The following KANSL1 variants were observed in gnomAD, a reference collection of about 807,000 sequenced individuals.
KANSL1 encodes MLL1/MLL complex subunit KANSL1.
Under a neutral mutation model 103.6 loss-of-function variants are expected in KANSL1, and 22 were observed. That is an observed-to-expected ratio of 0.21 (90% CI 0.15 to 0.30). KANSL1 has a LOEUF of 0.30. KANSL1 is among the 10% of genes least tolerant of loss of function. KANSL1 has a pLI of 1.00. For synonymous variants in KANSL1, 600 were observed against 527.6 expected, an observed-to-expected ratio of 1.14 and a Z score of -1.88; for missense variants, 1,337 against 1,399.8, an observed-to-expected ratio of 0.96 and a Z score of 0.72.
intron 6 of KANSL1, among the ~76,000 whole-genome samples, chr17:46,053,050 G>A (rs1040185190): frequency 4.1e-5 from 6 of 145,238 alleles, no homozygotes; most frequent in Non-Finnish European, 7.5e-5. Context: ...TACTTTGGGA[G>A]GCCAAGGTGG....
At chr17:46,209,310 T>C (rs2048084101) in intron 1 of KANSL1, among the ~76,000 whole-genome samples, 1 of 152,228 alleles carries the variant, frequency 6.6e-6, no homozygotes, top group Non-Finnish European at 1.5e-5. Flanking sequence ...GCTGATATTA[T>C]ATAATTCTTA....
At chr17:46,050,344 C>T in intron 7 of KANSL1, 189 bp downstream of exon 7, 1 of 595,124 alleles carries the variant, frequency 1.7e-6, no homozygotes, top group South Asian at 2.2e-5. Context: ...AAGTTGCAAC[C>T]TTTTAGTGGC....
At chr17:46,044,121 A>C (rs1173338540) in intron 7 of KANSL1, 2 of 149,990 alleles carry the variant, frequency 1.3e-5, no homozygotes, top group East Asian at 1.9e-4. Flanking sequence ...GAAAGTAAGC[A>C]AAAAAAGGGA....
At chr17:46,158,363 CTTTT>C (rs67455357) in intron 2 of KANSL1, among the ~76,000 whole-genome samples, 3 of 138,674 alleles carry the variant, frequency 2.2e-5, no homozygotes, top group South Asian at 2.2e-4. Context: ...CCATTAGAGA[CTTTT>C]TTTTTTTTTT....
At chr17:46,067,509 A>G in intron 5 of KANSL1, 40 bp downstream of exon 5, 1 of 1,210,690 alleles carries the variant, frequency 8.3e-7, no homozygotes, top group Admixed American at 1.7e-5. Flanking sequence ...ACACCTTTAC[A>G]AGTCTACTAA....
At chr17:46,114,769 G>A (rs572258462) in intron 2 of KANSL1, among the ~76,000 whole-genome samples, 1 of 152,320 alleles carries the variant, frequency 6.6e-6, no homozygotes, top group African/African-American at 2.4e-5. Flanking sequence ...CATCTGAGTG[G>A]GGAGGTAACT....
chr17:46,075,461 C>T (rs542563090), intron 4 of KANSL1, among the ~76,000 whole-genome samples: 16 of 152,152 alleles, frequency 1.1e-4, no homozygotes, highest in African/African-American at 3.9e-4. Context: ...CTCAGCCTCC[C>T]GAGTAGCTGG....
chr17:46,052,923 C>CA (rs2077765779), intron 6 of KANSL1, among the ~76,000 whole-genome samples: 1 of 127,458 alleles, frequency 7.8e-6, no homozygotes, highest in Non-Finnish European at 1.6e-5. Context: ...ATGATTGCAC[C>CA]ACTGCACTGC....
chr17:46,090,916 G>A (rs2079359219), intron 3 of KANSL1, among the ~76,000 whole-genome samples: 1 of 149,790 alleles, frequency 6.7e-6, no homozygotes, highest in South Asian at 2.1e-4. Context: ...CTATGTTACT[G>A]TTACACTTAT....
intron 2 of KANSL1, among the ~76,000 whole-genome samples, chr17:46,097,640 T>C (rs183790134): frequency 6.6e-5 from 10 of 152,386 alleles, no homozygotes; most frequent in Non-Finnish European, 2.9e-5. Flanking sequence ...TGGTGTCTAC[T>C]ATATTCTGTA....
chr17:46,103,750 C>T (rs926433762), intron 2 of KANSL1, among the ~76,000 whole-genome samples: 2 of 152,150 alleles, frequency 1.3e-5, no homozygotes, highest in African/African-American at 4.8e-5. Flanking sequence ...TCTAGGCTGG[C>T]CGTGCTGGCT....
chr17:46,147,572 TAA>T (rs10717937), intron 2 of KANSL1, among the ~76,000 whole-genome samples: 65 of 103,052 alleles, frequency 6.3e-4, no homozygotes, highest in African/African-American at 1.4e-3. Context: ...TGAGACTCTT[TAA>T]AAAAAAAAAA....
rs35443051 is a variant in KANSL1 at position 46,052,962 on chromosome 17, TC to T, written c.1849-2259del. 2.2e-3 allele frequency among the ~76,000 whole-genome samples: 44 copies of T among 19,842 alleles called. 7 individuals carry two copies. The highest frequency in any genetic ancestry group is 0.036 in the Middle Eastern group (1 of 28). The allele number at this position is 19,842 out of a possible 152,430, so 13.0% of individuals were successfully genotyped here. A position where few individuals can be genotyped will look rare whatever the true frequency, so the allele number is the denominator to read the frequency against. ...CTGGGAAAAAGAGTAAGATCCTGTC[TC>T]CAAAAAAAAAAAAAAAAAAAAAAAA... On this transcript the variant is annotated intron_variant, in intron 6 of 14. Transcript: ENST00000432791.
intron 3 of KANSL1, among the ~76,000 whole-genome samples, chr17:46,084,864 G>A (rs11654640): frequency 0.54 from 82,146 of 151,784 alleles, 22,628 homozygotes; most frequent in East Asian, 0.89. Flanking sequence ...AAAAGCATAA[G>A]ATATACCTTA....
At chr17:46,038,973 G>A in intron 9 of KANSL1, 54 bp downstream of exon 9, 7 of 1,576,498 alleles carry the variant, frequency 4.4e-6, no homozygotes, top group Non-Finnish European at 5.1e-6. Context: ...GGCTGCCCCA[G>A]AAAGCCCTGA....
chr17:46,130,228 T>C (rs935920363), intron 2 of KANSL1, among the ~76,000 whole-genome samples: 1 of 142,606 alleles, frequency 7.0e-6, no homozygotes, highest in African/African-American at 2.5e-5. Flanking sequence ...TAGGGAGGCT[T>C]TTAAAACATG....
chr17:46,046,840 T>TAAAAAAAAAAAA (rs36102082), intron 7 of KANSL1, among the ~76,000 whole-genome samples: 6 of 118,676 alleles, frequency 5.1e-5, no homozygotes, highest in Non-Finnish European at 6.8e-5. Flanking sequence ...GTCTCAAAAG[T>TAAAAAAAAAAAA]AAAAAAAAAA....
At chr17:46,152,638 A>T (rs2045183932) in intron 2 of KANSL1, among the ~76,000 whole-genome samples, 1 of 151,886 alleles carries the variant, frequency 6.6e-6, no homozygotes, top group Non-Finnish European at 1.5e-5. Flanking sequence ...GTTTGAAAAG[A>T]GCAGGTGTCA....
intron 6 of KANSL1, among the ~76,000 whole-genome samples, chr17:46,060,510 G>A (rs1014659304): frequency 2.0e-5 from 3 of 152,168 alleles, no homozygotes; most frequent in African/African-American, 7.2e-5. Flanking sequence ...TGATTTCTGA[G>A]TATTCTTTTA....
Sources: allele counts gnomAD v4.1 joint callset (sites outside exome capture counted in the v4.1 genomes callset), GRCh38; gene constraint gnomAD v4.1.1; transcripts MANE v1.5; gene names NCBI Gene and HGNC (gene_info 2026-07-23, HGNC 2026-07-21).